The following CACNA1C variants were observed in gnomAD, a reference collection of about 807,000 sequenced individuals.
The protein encoded by CACNA1C is calcium voltage-gated channel subunit alpha1 C, also known as voltage-dependent L-type calcium channel subunit alpha-1C.
A neutral mutation model predicts 229.0 loss-of-function variants in CACNA1C; 30 were observed. That is an observed-to-expected ratio of 0.13 (90% CI 0.10 to 0.18). The LOEUF is 0.18. CACNA1C is among the 10% of genes least tolerant of loss of function. The pLI, the probability that CACNA1C is intolerant of heterozygous loss-of-function variation, is 1.00. For synonymous variants in CACNA1C, 1,114 were observed against 1,132.5 expected, an observed-to-expected ratio of 0.98 and a Z score of 0.33; for missense variants, 1,658 against 2,845.0, an observed-to-expected ratio of 0.58 and a Z score of 9.49.
In CACNA1C at chr12:2,346,843, T is replaced by C. The variant is rs1404864635; in HGVS notation, c.478-102133T>C. ...AAAGCAGTGTGTATGTGGCAATCAT[T>C]TGGTGCCTCACTCACCTCCAAGGCT... On this transcript the variant is annotated intron_variant, in intron 3 of 46. Transcript: ENST00000399655. This position sits in a 1 kb window ranked among gnomAD's most constrained non-coding sequence, Gnocchi z 4.4. Among the ~76,000 whole-genome samples the C allele has an allele frequency of 6.6e-6, 1 of 152,234 alleles. No homozygotes were observed. Among genetic ancestry groups the C allele is most frequent in the Non-Finnish European group, 1.5e-5 (1 of 68,038 alleles).
chr12:2,476,997 C>A (rs528586566), intron 5 of CACNA1C, among the ~76,000 whole-genome samples: 1 of 152,330 alleles, frequency 6.6e-6, no homozygotes, highest in African/African-American at 2.4e-5. Context: ...GCTTGATAAA[C>A]TTACTCCTTT....
At chr12:1,986,611 G>A (rs552627437) in intron 1 of CACNA1C, among the ~76,000 whole-genome samples, 7 of 152,042 alleles carry the variant, frequency 4.6e-5, no homozygotes, top group African/African-American at 1.7e-4. Flanking sequence ...TAAAAGGGAG[G>A]TAGGGAAAGA....
chr12:2,163,059 G>T (rs932395309), intron 3 of CACNA1C, among the ~76,000 whole-genome samples: 1 of 151,996 alleles, frequency 6.6e-6, no homozygotes, highest in African/African-American at 2.4e-5. Context: ...TTAGCCAGGC[G>T]TGGTGGTGCA....
At chr12:2,012,491 G>C (rs934351954) in intron 1 of CACNA1C, among the ~76,000 whole-genome samples, 8 of 152,272 alleles carry the variant, frequency 5.3e-5, no homozygotes, top group African/African-American at 1.9e-4. Flanking sequence ...TTACTATCTA[G>C]TCCTTTACAG....
chr12:2,060,930 G>A (rs1462441557), intron 1 of CACNA1C, among the ~76,000 whole-genome samples: 1 of 152,244 alleles, frequency 6.6e-6, no homozygotes, highest in Non-Finnish European at 1.5e-5. Context: ...TAACCATTGT[G>A]TCATGTACAG....
chr12:2,328,660 G>T (rs1271111444), intron 3 of CACNA1C, among the ~76,000 whole-genome samples: 3 of 152,168 alleles, frequency 2.0e-5, no homozygotes, highest in African/African-American at 4.8e-5. Flanking sequence ...TATGGAAGCT[G>T]AGAACTGAAT....
chr12:2,296,068 G>A (rs1045482648), intron 3 of CACNA1C, among the ~76,000 whole-genome samples: 2 of 152,264 alleles, frequency 1.3e-5, no homozygotes, highest in Non-Finnish European at 2.9e-5. Flanking sequence ...CTCAGCAGGT[G>A]TCATAAGAAC....
chr12:2,587,037 C>T (rs960732389), intron 18 of CACNA1C, among the ~76,000 whole-genome samples: 12 of 152,102 alleles, frequency 7.9e-5, no homozygotes, highest in African/African-American at 7.2e-5. Flanking sequence ...TTTAAAATGA[C>T]GTTTTAGAGG....
chr12:2,096,417 T>C (rs2074007636), intron 1 of CACNA1C, among the ~76,000 whole-genome samples: 1 of 152,208 alleles, frequency 6.6e-6, no homozygotes, highest in African/African-American at 2.4e-5. Context: ...GCCTAAAGTC[T>C]ATCCTCCCAT....
Position 1,997,709 on chromosome 12 carries a change from C to T in CACNA1C, c.139+26508C>T, listed in dbSNP as rs917469233. Among the ~76,000 whole-genome samples, 4 of 152,186 alleles carry T rather than the reference C, an allele frequency of 2.6e-5. No homozygotes were observed. The highest frequency in any genetic ancestry group is 6.5e-5 in the Admixed American group (1 of 15,284). On this transcript the variant is annotated intron_variant, in intron 1 of 46. Coordinates refer to the CACNA1C transcript ENST00000682462. ...TGCCCAGTCAATGATTTAAGTTCATCTACATTGAAGTTTAAATTATATTCT... is the reference window on the plus strand; with the variant it reads ...TGCCCAGTCAATGATTTAAGTTCATTTACATTGAAGTTTAAATTATATTCT...
intron 3 of CACNA1C, among the ~76,000 whole-genome samples, chr12:2,184,145 C>A (rs140355362): frequency 6.6e-6 from 1 of 152,200 alleles, no homozygotes; most frequent in Non-Finnish European, 1.5e-5. Flanking sequence ...GCTGGGGCTG[C>A]GGTTGTTCTG....
At chr12:2,634,418 G>T in intron 30 of CACNA1C, 38 bp downstream of exon 30, 1 of 1,040,918 alleles carries the variant, frequency 9.6e-7, no homozygotes, top group East Asian at 2.7e-5. Context: ...GTCCGTGCCT[G>T]CTCTAACACT....
Position 2,512,780 on chromosome 12 carries a change from T to TCCTGC in CACNA1C, c.1218-24_1218-20dup, listed in dbSNP as rs2099787709. 6.4e-7 allele frequency: 1 copy of TCCTGC among 1,571,214 alleles called. No homozygotes were observed. The highest frequency in any genetic ancestry group is 1.7e-5 in the Admixed American group (1 of 57,278). ...CGGTGCTCCCTCCTTCTCTGTGCTCTCCTGCCCTGCCCCTCCTCTCACTCT... is the reference window on the plus strand; with the variant it reads ...CGGTGCTCCCTCCTTCTCTGTGCTCTCCTGCCCTGCCCTGCCCCTCCTCTCACTCT... On this transcript the variant is annotated intron_variant, in intron 8 of 46. Transcript: ENST00000399655. This position sits in a 1 kb window ranked among gnomAD's most constrained non-coding sequence, Gnocchi z 4.3.
intron 3 of CACNA1C, among the ~76,000 whole-genome samples, chr12:2,245,514 T>C (rs1302691680): frequency 6.6e-6 from 1 of 152,228 alleles, no homozygotes; most frequent in Non-Finnish European, 1.5e-5. Context: ...TGGTCTAGAA[T>C]GTGCCCATGC....
intron 3 of CACNA1C, among the ~76,000 whole-genome samples, chr12:2,246,913 T>A (rs1023571302): frequency 2.0e-5 from 3 of 152,166 alleles, no homozygotes; most frequent in Non-Finnish European, 2.9e-5. Context: ...GCTGCATCCC[T>A]GTCTCCCCAC....
intron 1 of CACNA1C, among the ~76,000 whole-genome samples, chr12:1,993,986 C>T (rs1158640904): frequency 6.6e-6 from 1 of 152,176 alleles, no homozygotes; most frequent in Non-Finnish European, 1.5e-5. Context: ...TTGTTTTCTT[C>T]AATGCAAAGC....
intron 1 of CACNA1C, among the ~76,000 whole-genome samples, chr12:2,037,832 C>T (rs2049407195): frequency 6.6e-6 from 1 of 152,202 alleles, no homozygotes; most frequent in African/African-American, 2.4e-5. Flanking sequence ...CCCAGATCTA[C>T]TGAATCAGAA....
rs539670966 is a variant in CACNA1C at position 2,145,735 on chromosome 12, G to A, written c.477+25305G>A. On this transcript the variant is annotated intron_variant, in intron 3 of 46. Transcript: ENST00000399655. ...TACTGTAAATGTCAAGTATGGCCAA[G>A]TGTGGGATTTCGTGGCAGGAGTGAG... 2.6e-5 allele frequency among the ~76,000 whole-genome samples: 4 copies of A among 151,452 alleles called. No individual in the cohort carries two copies. In the South Asian group the frequency reaches 6.3e-4, roughly 24 times the overall value.
intron 3 of CACNA1C, among the ~76,000 whole-genome samples, chr12:2,359,588 G>A (rs572642433): frequency 5.3e-5 from 8 of 150,902 alleles, no homozygotes; most frequent in Non-Finnish European, 1.2e-4. Flanking sequence ...TTCAAGGGAA[G>A]AATTAGGAAC....
Sources: gnomAD v4.1 joint callset for allele counts (sites outside exome capture counted in the v4.1 genomes callset) on GRCh38, gnomAD v4.1.1 for gene constraint, Gnocchi (gnomAD v3.1) non-coding constraint, MANE v1.5 for transcripts, NCBI Gene and HGNC (gene_info 2026-07-23, HGNC 2026-07-21) for gene names.